Variants in AP5M1 observed in about 807,000 individuals in gnomAD.
AP5M1 encodes AP-5 complex subunit mu-1.
In AP5M1, 44 loss-of-function variants were observed where a neutral mutation model predicts 52.3. That is an observed-to-expected ratio of 0.84 (90% CI 0.66 to 1.08). AP5M1 has a LOEUF of 1.08. Among genes scored for constraint, AP5M1 ranks in the 50% least tolerant of loss-of-function variants. The pLI is 0.00. For synonymous variants in AP5M1, 213 were observed against 199.0 expected, an observed-to-expected ratio of 1.07 and a Z score of -0.59; for missense variants, 526 against 568.4, an observed-to-expected ratio of 0.93 and a Z score of 0.76.
rs551714690 is a variant in AP5M1, at chr14:57,286,320, G to A, written c.1390+1G>A. The A allele has an allele frequency of 4.2e-5, 66 of 1,585,770 alleles. No individual in the cohort carries two copies. In the South Asian group the frequency reaches 6.6e-4, roughly 16 times the overall value. ...TCAGGAAAACCAAAAATAAGTGCAC[G>A]TAAGTTACACAGATTCAAACTAACT... On this transcript the variant is annotated splice_donor_variant, in intron 7 of 7. Coordinates refer to ENST00000261558, the MANE Select transcript of AP5M1 (RefSeq NM_018229.4). LOFTEE classifies it high-confidence loss of function.
In AP5M1 at chr14:57,290,170, AG is replaced by A. The variant is rs887015971; in HGVS notation, c.*1289del. On this transcript the variant is annotated 3_prime_UTR_variant, in exon 8 of 8. Coordinates refer to ENST00000261558, the MANE Select transcript of AP5M1 (RefSeq NM_018229.4). ...AGAAAGCATGATAGTTTAAAGGTAT[AG>A]GGCATATAAATTTAGGATTTGAAAT... 1.3e-5 allele frequency: 2 copies of A among 152,026 alleles called. No individual in the cohort carries two copies. The highest frequency in any genetic ancestry group is 4.8e-5 in the African/African-American group (2 of 41,444). The allele number at this position is 152,026 out of a possible 1,614,324, so 9.4% of individuals were successfully genotyped here.
chr14:57,285,687 T>G (rs773582879), intron 6 of AP5M1, among the ~76,000 whole-genome samples: 2 of 152,208 alleles, frequency 1.3e-5, no homozygotes, highest in African/African-American at 2.4e-5. Flanking sequence ...GATGTTTCTG[T>G]TTTCATAATT....
intron 2 of AP5M1, among the ~76,000 whole-genome samples, chr14:57,279,840 GGATTAGAGGACT>G (rs1461548592): frequency 6.6e-6 from 1 of 152,162 alleles, no homozygotes; most frequent in East Asian, 1.9e-4. Context: ...CATTAATGGA[GGATTAGAGGACT>G]GATTAGAGGA....
At position 57,293,733 on chromosome 14, in the gene AP5M1, C is replaced by T. The variant is rs541384878; in HGVS notation, c.*4849C>T. 42 of 151,392 alleles carry T rather than the reference C, an allele frequency of 2.8e-4. No individual in the cohort carries two copies. Among genetic ancestry groups the T allele is most frequent in the Non-Finnish European group, 5.0e-4 (34 of 67,686 alleles). The allele number at this position is 151,392 out of a possible 1,614,324, so 9.4% of individuals were successfully genotyped here. On this transcript the variant is annotated 3_prime_UTR_variant, in exon 8 of 8. Transcript: ENST00000261558. ...AGAATATATATATATATACACACAA[C>T]ATATATATACAAGTATATGAATTTA...
intron 2 of AP5M1, chr14:57,278,677 A>G (rs1318652484): frequency 6.6e-6 from 1 of 152,298 alleles, no homozygotes; most frequent in Non-Finnish European, 1.5e-5. Flanking sequence ...GACATGAAGA[A>G]TGAAAGCATT....
rs921066955 is a variant in AP5M1, at chr14:57,297,918, G to A, written c.*9034G>A. On this transcript the variant is annotated 3_prime_UTR_variant, in exon 8 of 8. Coordinates refer to ENST00000261558, the MANE Select transcript of AP5M1 (RefSeq NM_018229.4). Reference sequence around the variant, plus strand: ...GTGGTTCAGTCTGTATTGGGCACAGGTGAATTCTGCCCTGCGATTGCCATC... The same window carrying A: ...GTGGTTCAGTCTGTATTGGGCACAGATGAATTCTGCCCTGCGATTGCCATC... The A allele has an allele frequency of 1.3e-5, 2 of 152,132 alleles. No individual in the cohort carries two copies. The highest frequency in any genetic ancestry group is 2.9e-5 in the Non-Finnish European group (2 of 68,030). 9.4% of individuals were successfully genotyped at this position (152,132 alleles called of 1,614,324 possible).
intron 2 of AP5M1, among the ~76,000 whole-genome samples, chr14:57,276,794 C>T (rs1394236347): frequency 6.6e-6 from 1 of 152,018 alleles, no homozygotes; most frequent in East Asian, 1.9e-4. Flanking sequence ...TGGACAACTT[C>T]CTTATTTAAA....
At chr14:57,269,421 G>A (rs1213314617) in intron 1 of AP5M1, 33 bp downstream of exon 1, 2 of 1,604,284 alleles carry the variant, frequency 1.2e-6, no homozygotes, top group African/African-American at 1.3e-5. Context: ...AGGGATGATG[G>A]ATCAGAAGAT....
At chr14:57,273,003 C>T (rs895216277) in intron 1 of AP5M1, among the ~76,000 whole-genome samples, 1 of 151,866 alleles carries the variant, frequency 6.6e-6, no homozygotes, top group East Asian at 1.9e-4. Flanking sequence ...CTCGGCTCGG[C>T]TCGGCTCGGC....
chr14:57,269,227 T>C lies in AP5M1; in HGVS notation c.-88T>C. 6.9e-6 allele frequency: 9 copies of C among 1,299,508 alleles called. No homozygotes were observed. Among genetic ancestry groups the C allele is most frequent in the Non-Finnish European group, 7.7e-6 (7 of 906,932 alleles). The allele number at this position is 1,299,508 out of a possible 1,614,324, so 80.5% of individuals were successfully genotyped here. ...CGCAGGATGAGCCTCAGGGCTTCTG[T>C]TAAGAGTCTGTCTGAGAAAGCCGGT... On this transcript the variant is annotated 5_prime_UTR_variant, in exon 1 of 8. Coordinates refer to ENST00000261558, the MANE Select transcript of AP5M1 (RefSeq NM_018229.4).
chr14:57,278,972 C>G (rs1359089964), intron 2 of AP5M1, among the ~76,000 whole-genome samples: 1 of 152,056 alleles, frequency 6.6e-6, no homozygotes, highest in East Asian at 1.9e-4. Flanking sequence ...AAATCAAAAC[C>G]ACAATGAGAT....
At position 57,274,902 on chromosome 14, in the gene AP5M1, T is replaced by C; in HGVS notation, c.720+13T>C. On this transcript the variant is annotated intron_variant, in intron 2 of 7. Transcript: ENST00000261558. Reference sequence around the variant, plus strand: ...AGTGACTTGCAAGGTGAGATTTTTCTCTGGTACTTGCTTTATCGTTTTATT... The same window carrying C: ...AGTGACTTGCAAGGTGAGATTTTTCCCTGGTACTTGCTTTATCGTTTTATT... 3 of 1,614,050 alleles carry C rather than the reference T, an allele frequency of 1.9e-6. No individual in the cohort carries two copies. Among genetic ancestry groups the C allele is most frequent in the Non-Finnish European group, 2.5e-6 (3 of 1,179,934 alleles).
intron 7 of AP5M1, 40 bp downstream of exon 7, chr14:57,286,359 A>G: frequency 4.6e-6 from 6 of 1,312,700 alleles, no homozygotes; most frequent in Non-Finnish European, 6.6e-6. Flanking sequence ...GGGAATTAAA[A>G]TGGTGTTTGC....
intron 2 of AP5M1, among the ~76,000 whole-genome samples, chr14:57,278,992 C>T (rs907675675): frequency 1.3e-5 from 2 of 152,134 alleles, no homozygotes; most frequent in Non-Finnish European, 2.9e-5. Context: ...TACCATCCAA[C>T]GCCAGTCAGA....
intron 6 of AP5M1, among the ~76,000 whole-genome samples, chr14:57,284,685 T>TA (rs947222555): frequency 1.7e-4 from 25 of 151,358 alleles, no homozygotes; most frequent in East Asian, 3.9e-4. Context: ...TGATATTGTT[T>TA]AAAAAAAAAT....
In AP5M1 at chr14:57,289,203, A is replaced by G. The variant is rs1010089727; in HGVS notation, c.*319A>G. The G allele has an allele frequency of 6.7e-5, 12 of 180,242 alleles. No homozygotes were observed. Among genetic ancestry groups the G allele is most frequent in the Admixed American group, 1.3e-4 (2 of 15,794 alleles). The allele number at this position is 180,242 out of a possible 1,614,324, so 11.2% of individuals were successfully genotyped here. A position where few individuals can be genotyped will look rare whatever the true frequency, so the allele number is the denominator to read the frequency against. ...GTTTCCTAGTGTTTCTGTGGCAGAC[A>G]TTGCTAATCAATTACAGCCCTTTTC... On this transcript the variant is annotated 3_prime_UTR_variant, in exon 8 of 8. Coordinates refer to ENST00000261558, the MANE Select transcript of AP5M1 (RefSeq NM_018229.4).
At chr14:57,273,678 A>G (rs779832244) in intron 1 of AP5M1, 2 of 701,688 alleles carry the variant, frequency 2.9e-6, no homozygotes, top group South Asian at 3.0e-5. Context: ...ATAAACCATT[A>G]TTACTAAAAT....
chr14:57,274,438 G>A lies in AP5M1; in HGVS notation c.269G>A (p.Gly90Asp), dbSNP rs1316883776. 1 of 1,614,130 alleles carries A rather than the reference G, an allele frequency of 6.2e-7. No homozygotes were observed. The highest frequency in any genetic ancestry group is 1.3e-5 in the African/African-American group (1 of 75,034). Residue 90 changes from glycine (G) to aspartate (D), a missense_variant, in exon 2 of 8, where the codon GGT becomes GAT. This residue lies in a region of AP5M1 where 425 missense variants were observed against 430.6 expected (regional missense o/e 0.99). Coordinates refer to ENST00000261558, the MANE Select transcript of AP5M1 (RefSeq NM_018229.4). ...KTSIYGLLIG[G>D]EELWPVVAFL... ...TCCATTTATGGACTCCTGATAGGAG[G>A]TGAAGAACTCTGGCCAGTTGTTGCT...
rs766166502 is a variant in AP5M1 at position 57,274,921 on chromosome 14, TTTTA to T, written c.720+37_720+40del. 5 of 1,612,244 alleles carry T rather than the reference TTTTA, an allele frequency of 3.1e-6. No homozygotes were observed. In the Admixed American group the frequency reaches 8.3e-5, roughly 27 times the overall value. The stretch of plus-strand genomic sequence containing the variant: ...TTTTTCTCTGGTACTTGCTTTATCG[TTTTA>T]TTTAACATATGGAGAAAAGTTAAAT... On this transcript the variant is annotated intron_variant, in intron 2 of 7. Coordinates refer to ENST00000261558, the MANE Select transcript of AP5M1 (RefSeq NM_018229.4).
Sources: allele counts gnomAD v4.1 joint callset (sites outside exome capture counted in the v4.1 genomes callset), GRCh38; gene constraint gnomAD v4.1.1; regional missense constraint gnomAD v4.1.1; transcripts MANE v1.5; gene names NCBI Gene and HGNC (gene_info 2026-07-23, HGNC 2026-07-21).